TUT4: variants seen among roughly 807,000 people sequenced by gnomAD.
TUT4 encodes terminal uridylyltransferase 4.
In TUT4, 36 loss-of-function variants were observed where a neutral mutation model predicts 192.2. The ratio of observed to expected loss-of-function variants is 0.19; its 90% CI spans 0.14 to 0.25. TUT4 has a LOEUF of 0.25. Ranked by LOEUF, TUT4 falls within the 10% of genes least tolerant of loss-of-function variation. The pLI, the probability that TUT4 is intolerant of heterozygous loss-of-function variation, is 1.00. For missense variants in TUT4, 1,493 were observed against 1,957.2 expected, an observed-to-expected ratio of 0.76 and a Z score of 4.47; for synonymous variants, 618 against 666.0, an observed-to-expected ratio of 0.93 and a Z score of 1.11.
At chr1:52,523,384 T>C (rs1680828174) in intron 2 of TUT4, among the ~76,000 whole-genome samples, 1 of 152,146 alleles carries the variant, frequency 6.6e-6, no homozygotes, top group Non-Finnish European at 1.5e-5. Flanking sequence ...GGTGGGGGTA[T>C]CACTTGAGGC....
chr1:52,513,088 A>G (rs1174391136), intron 3 of TUT4, among the ~76,000 whole-genome samples: 1 of 150,006 alleles, frequency 6.7e-6, no homozygotes, highest in Non-Finnish European at 1.5e-5. Context: ...GCGCCACTGC[A>G]CTCCAGCCTG....
intron 1 of TUT4, among the ~76,000 whole-genome samples, chr1:52,551,803 T>C (rs1466746417): frequency 2.6e-5 from 4 of 152,230 alleles, no homozygotes; most frequent in African/African-American, 9.6e-5. Flanking sequence ...GATTATCCAA[T>C]TTTATTAGCT....
At chr1:52,535,557 C>T (rs950768390) in intron 1 of TUT4, among the ~76,000 whole-genome samples, 2 of 151,998 alleles carry the variant, frequency 1.3e-5, no homozygotes, top group African/African-American at 2.4e-5. Flanking sequence ...CTCTACCAAG[C>T]GTACCAACAT....
At chr1:52,482,309 G>T (rs1339718347) in intron 9 of TUT4, among the ~76,000 whole-genome samples, 1 of 151,866 alleles carries the variant, frequency 6.6e-6, no homozygotes, top group Non-Finnish European at 1.5e-5. Flanking sequence ...TCCTATATAG[G>T]TATAGGGAGA....
intron 8 of TUT4, among the ~76,000 whole-genome samples, chr1:52,490,257 C>G (rs1477100804): frequency 6.7e-6 from 1 of 149,414 alleles, no homozygotes; most frequent in African/African-American, 2.5e-5. Context: ...CTCAGGCCAT[C>G]CTCCCACCTC....
At chr1:52,530,650 T>C (rs1048560971) in intron 1 of TUT4, among the ~76,000 whole-genome samples, 3 of 152,106 alleles carry the variant, frequency 2.0e-5, no homozygotes, top group African/African-American at 7.2e-5. Flanking sequence ...AGTACAAAAT[T>C]TTCCCCAAAA....
intron 4 of TUT4, among the ~76,000 whole-genome samples, chr1:52,500,513 A>G (rs2149208613): frequency 6.6e-6 from 1 of 152,314 alleles, no homozygotes; most frequent in Admixed American, 6.5e-5. Flanking sequence ...CTGTAATCCC[A>G]GCACTTTGGG....
At chr1:52,430,364 C>A (rs1651674883) in intron 28 of TUT4, among the ~76,000 whole-genome samples, 1 of 152,142 alleles carries the variant, frequency 6.6e-6, no homozygotes. Flanking sequence ...CTCACTGCAA[C>A]CTCCACCTCC....
At chr1:52,461,389 CAAGAT>C in intron 18 of TUT4, 119 bp downstream of exon 18, 1 of 1,132,376 alleles carries the variant, frequency 8.8e-7, no homozygotes, top group Non-Finnish European at 1.2e-6. Context: ...AAGGAACTAT[CAAGAT>C]AACTAGTAAA....
chr1:52,527,821 G>T (rs1283147236), intron 1 of TUT4, among the ~76,000 whole-genome samples: 1 of 152,130 alleles, frequency 6.6e-6, no homozygotes, highest in African/African-American at 2.4e-5. Context: ...ATGTGTGGAT[G>T]CAGGGTATAT....
intron 3 of TUT4, among the ~76,000 whole-genome samples, chr1:52,513,393 CAAAA>C (rs554170439): frequency 6.4e-4 from 27 of 42,088 alleles, no homozygotes; most frequent in African/African-American, 3.6e-3. Flanking sequence ...GACCCTGTCT[CAAAA>C]AAAAAAAAAA....
In TUT4 at chr1:52,525,570, G is replaced by C; in HGVS notation, c.711C>G (p.Asp237Glu). 6.2e-7 allele frequency: 1 copy of C among 1,605,900 alleles called. No individual in the cohort carries two copies. The highest frequency in any genetic ancestry group is 1.1e-5 in the South Asian group (1 of 89,550). The part of the protein sequence containing the change: ...DSASGIEDVS[D>E]DLSKMKNDES... ...CTCCAAAAAATGACTTACTTAAATCGTCCGATACGTCTTCAATTCCTGAAG... is the reference window on the plus strand; with the variant it reads ...CTCCAAAAAATGACTTACTTAAATCCTCCGATACGTCTTCAATTCCTGAAG... Residue 237 changes from aspartate (D) to glutamate (E), a missense_variant, in exon 2 of 30, where the codon GAC (aspartate) becomes GAG (glutamate). Transcript: ENST00000257177.
chr1:52,491,120 A>G (rs979966281), intron 7 of TUT4, among the ~76,000 whole-genome samples: 7 of 152,252 alleles, frequency 4.6e-5, no homozygotes, highest in African/African-American at 1.7e-4. Flanking sequence ...ACCTTCATAG[A>G]TAACAGCAAA....
intron 15 of TUT4, among the ~76,000 whole-genome samples, chr1:52,466,682 A>ATATTTTTTTT (rs372853314): frequency 2.4e-5 from 3 of 123,842 alleles, no homozygotes; most frequent in African/African-American, 9.7e-5. Context: ...ATATATATAT[A>ATATTTTTTTT]TTTTTGAGAC....
In TUT4 at chr1:52,446,682, T is replaced by G. The variant is rs1657607456; in HGVS notation, c.3436-15A>C. ...CCATCAAAGATCTGCATAAAAAAAT[T>G]AATTGTATTATTAGATTTCAAGTGA... On this transcript the variant is annotated splice_polypyrimidine_tract_variant and intron_variant, in intron 20 of 29. Coordinates refer to ENST00000257177, the MANE Select transcript of TUT4 (RefSeq NM_001009881.3). 2.5e-6 allele frequency: 4 copies of G among 1,585,040 alleles called. No individual in the cohort carries two copies. The highest frequency in any genetic ancestry group is 8.6e-7 in the Non-Finnish European group (1 of 1,164,486).
Position 52,491,516 on chromosome 1 carries a change from C to T in TUT4, c.1319-715G>A, listed in dbSNP as rs145352822. On this transcript the variant is annotated intron_variant, in intron 7 of 29. Coordinates refer to ENST00000257177, the MANE Select transcript of TUT4 (RefSeq NM_001009881.3). ...CAGCCTGGCCAAGATGGTGAAACCTCGTCTCTACTAAAAATACAAAAATTA... is the reference window on the plus strand; with the variant it reads ...CAGCCTGGCCAAGATGGTGAAACCTTGTCTCTACTAAAAATACAAAAATTA... Among the ~76,000 whole-genome samples, 318 of 152,050 alleles carry T rather than the reference C, an allele frequency of 2.1e-3. 7 individuals are homozygous for T. The South Asian group carries it at 0.033, about 16-fold the overall frequency.
chr1:52,513,149 T>C (rs1677704855), intron 3 of TUT4, among the ~76,000 whole-genome samples: 1 of 135,800 alleles, frequency 7.4e-6, no homozygotes. Flanking sequence ...GTACAATGAA[T>C]TTGCCCGAGC....
At chr1:52,424,288 A>G (rs945427307) in intron 29 of TUT4, 1 of 384,214 alleles carries the variant, frequency 2.6e-6, no homozygotes, top group Non-Finnish European at 4.8e-6. Flanking sequence ...GCTTATGACT[A>G]ATAGTAACTT....
chr1:52,473,840 A>C (rs1208708668), intron 13 of TUT4, among the ~76,000 whole-genome samples: 1 of 152,138 alleles, frequency 6.6e-6, no homozygotes, highest in African/African-American at 2.4e-5. Flanking sequence ...TTATTCACAA[A>C]GCAGTTATCG....
Sources: gnomAD v4.1 joint callset for allele counts (sites outside exome capture counted in the v4.1 genomes callset) on GRCh38, gnomAD v4.1.1 for gene constraint, MANE v1.5 for transcripts, NCBI Gene and HGNC (gene_info 2026-07-23, HGNC 2026-07-21) for gene names.